KDM7A: variants seen among roughly 807,000 people sequenced by gnomAD.
KDM7A encodes the protein lysine-specific demethylase 7A.
KDM7A carries 28 observed loss-of-function variants against 114.8 expected under a neutral mutation model. The ratio of observed to expected loss-of-function variants is 0.24; its 90% CI spans 0.18 to 0.33. KDM7A has a LOEUF of 0.33. Ranked by LOEUF, KDM7A falls within the 10% of genes least tolerant of loss-of-function variation. KDM7A has a pLI of 1.00. For missense variants in KDM7A, 942 were observed against 1,142.5 expected, an observed-to-expected ratio of 0.82 and a Z score of 2.53; for synonymous variants, 423 against 397.8, an observed-to-expected ratio of 1.06 and a Z score of -0.75.
intron 7 of KDM7A, among the ~76,000 whole-genome samples, chr7:140,123,200 T>G (rs1298066339): frequency 6.6e-6 from 1 of 152,104 alleles, no homozygotes; most frequent in East Asian, 1.9e-4. Context: ...CTGGTGAGGG[T>G]GTGGAGAAAC....
chr7:140,119,486 CAA>C (rs1351198436), intron 8 of KDM7A, among the ~76,000 whole-genome samples: 4 of 152,190 alleles, frequency 2.6e-5, no homozygotes, highest in Non-Finnish European at 4.4e-5. Flanking sequence ...CTGGTTTTAA[CAA>C]AAGACATTTT....
Position 140,088,200 on chromosome 7 carries a change from T to C in KDM7A, c.*2894A>G, listed in dbSNP as rs565891144. ...ATGCTTAAAAATGAACTGATACTTA[T>C]GAAGTTCAATGTATTTCTAGGATAC... On this transcript the variant is annotated 3_prime_UTR_variant, in exon 20 of 20. Transcript: ENST00000397560. 7 of 271,912 alleles carry C rather than the reference T, an allele frequency of 2.6e-5. No homozygotes were observed. Among genetic ancestry groups the C allele is most frequent in the Non-Finnish European group, 4.8e-5 (7 of 146,700 alleles). The allele number at this position is 271,912 out of a possible 1,614,324, so 16.8% of individuals were successfully genotyped here.
intron 8 of KDM7A, 52 bp downstream of exon 8, chr7:140,120,390 T>G: frequency 1.9e-6 from 2 of 1,027,236 alleles, no homozygotes; most frequent in Non-Finnish European, 3.0e-6. Context: ...AAAAAAAAAG[T>G]ATCCTATTTT....
chr7:140,087,482 T>C lies in KDM7A; in HGVS notation c.*3612A>G, dbSNP rs1817946552. ...TATATTTGATATAAAATAAACATCA[T>C]GAATAGTATTAGTTTTCATTTAAAA... is the stretch of plus-strand genomic sequence containing the variant. On this transcript the variant is annotated 3_prime_UTR_variant, in exon 20 of 20. Transcript: ENST00000397560. 1.3e-5 allele frequency: 2 copies of C among 152,216 alleles called. No individual in the cohort carries two copies. The highest frequency in any genetic ancestry group is 3.8e-4 in the East Asian group (2 of 5,206). The allele number at this position is 152,216 out of a possible 1,614,324, so 9.4% of individuals were successfully genotyped here.
chr7:140,110,530 A>C (rs77347535), intron 11 of KDM7A, among the ~76,000 whole-genome samples: 380 of 152,288 alleles, frequency 2.5e-3, no homozygotes, highest in African/African-American at 8.8e-3. Context: ...CTCTCAATTT[A>C]AGCTAGACAC....
intron 17 of KDM7A, among the ~76,000 whole-genome samples, chr7:140,095,965 T>C (rs1300574822): frequency 6.6e-6 from 1 of 152,152 alleles, no homozygotes; most frequent in Non-Finnish European, 1.5e-5. Context: ...TTATGTAGGA[T>C]CAAACATATT....
At chr7:140,128,291 T>C (rs1562953655) in intron 4 of KDM7A, among the ~76,000 whole-genome samples, 1 of 152,186 alleles carries the variant, frequency 6.6e-6, no homozygotes, top group Non-Finnish European at 1.5e-5. Context: ...CAATGGACTA[T>C]GGGATAAGGT....
intron 1 of KDM7A, among the ~76,000 whole-genome samples, chr7:140,141,669 G>C (rs556323005): frequency 6.6e-6 from 1 of 151,834 alleles, no homozygotes; most frequent in African/African-American, 2.4e-5. Context: ...CGAGGTGGGC[G>C]GATCACTTGA....
At chr7:140,112,767 C>T (rs1818453968) in intron 10 of KDM7A, among the ~76,000 whole-genome samples, 3 of 152,132 alleles carry the variant, frequency 2.0e-5, no homozygotes, top group Admixed American at 1.3e-4. Context: ...TTGAAGGAAA[C>T]ACAAATATAT....
intron 1 of KDM7A, among the ~76,000 whole-genome samples, chr7:140,165,547 A>C (rs1398301533): frequency 1.3e-5 from 2 of 152,188 alleles, no homozygotes; most frequent in African/African-American, 4.8e-5. Context: ...CCAGAAACAG[A>C]CAATTCTTAA....
chr7:140,106,243 GATTC>G (rs1304266799), intron 11 of KDM7A, among the ~76,000 whole-genome samples: 1 of 152,070 alleles, frequency 6.6e-6, no homozygotes, highest in Non-Finnish European at 1.5e-5. Flanking sequence ...CCAGCTCCTA[GATTC>G]ATTGATTTTT....
intron 2 of KDM7A, among the ~76,000 whole-genome samples, chr7:140,136,330 T>A (rs1818869866): frequency 6.6e-6 from 1 of 152,194 alleles, no homozygotes; most frequent in African/African-American, 2.4e-5. Flanking sequence ...TCATTTCCTT[T>A]TAAATGTGCT....
At chr7:140,139,913 A>C (rs1324996882) in intron 1 of KDM7A, among the ~76,000 whole-genome samples, 1 of 152,218 alleles carries the variant, frequency 6.6e-6, no homozygotes, top group Non-Finnish European at 1.5e-5. Context: ...AAGAGATTTA[A>C]AATATTAGAT....
intron 1 of KDM7A, among the ~76,000 whole-genome samples, chr7:140,163,310 G>A (rs73160855): frequency 0.052 from 7,399 of 143,196 alleles, 250 homozygotes; most frequent in Admixed American, 0.082. Context: ...CTTTTTAACA[G>A]ACAGTCTTGC....
chr7:140,146,304 C>A (rs981702861), intron 1 of KDM7A, among the ~76,000 whole-genome samples: 1 of 152,124 alleles, frequency 6.6e-6, no homozygotes, highest in African/African-American at 2.4e-5. Flanking sequence ...TTGAAAGGAA[C>A]CAAAAGGAAC....
chr7:140,163,735 T>C (rs969009728), intron 1 of KDM7A, among the ~76,000 whole-genome samples: 5 of 152,180 alleles, frequency 3.3e-5, no homozygotes, highest in African/African-American at 1.2e-4. Context: ...TTCCTTTAAA[T>C]ATTTCTCATC....
At chr7:140,092,680 G>A (rs1818041677) in intron 18 of KDM7A, among the ~76,000 whole-genome samples, 1 of 152,138 alleles carries the variant, frequency 6.6e-6, no homozygotes, top group African/African-American at 2.4e-5. Flanking sequence ...AAAGAGAAAG[G>A]AACAGACTAG....
At chr7:140,125,974 A>G (rs1818695650) in intron 6 of KDM7A, among the ~76,000 whole-genome samples, 1 of 147,966 alleles carries the variant, frequency 6.8e-6, no homozygotes, top group Non-Finnish European at 1.5e-5. Context: ...GTGCAATCAC[A>G]GCACACTGTA....
At chr7:140,175,376 A>T (rs538192666) in intron 1 of KDM7A, among the ~76,000 whole-genome samples, 2 of 151,696 alleles carry the variant, frequency 1.3e-5, no homozygotes, top group South Asian at 4.2e-4. Flanking sequence ...GGAGGGGGGG[A>T]GCGGAGGCTG....
Sources: gnomAD v4.1 joint callset for allele counts (sites outside exome capture counted in the v4.1 genomes callset) on GRCh38, gnomAD v4.1.1 for gene constraint, MANE v1.5 for transcripts, NCBI Gene and HGNC (gene_info 2026-07-23, HGNC 2026-07-21) for gene names.